TMEM266: variants seen among roughly 807,000 people sequenced by gnomAD.
TMEM266 encodes the protein Hv1 related protein 1.
A neutral mutation model predicts 50.5 loss-of-function variants in TMEM266; 33 were observed. The observed-to-expected ratio is 0.65, with a 90% CI of 0.50 to 0.87. The LOEUF is 0.87. TMEM266 is among the 40% of genes least tolerant of loss of function. TMEM266 has a pLI of 0.00. For missense variants in TMEM266, 655 were observed against 695.1 expected (o/e 0.94, Z 0.65); for synonymous variants, 310 against 292.3 (o/e 1.06, Z -0.62).
At chr15:76,084,571 A>C (rs1177611446) in intron 1 of TMEM266, among the ~76,000 whole-genome samples, 1 of 151,794 alleles carries the variant, frequency 6.6e-6, no homozygotes, top group Admixed American at 6.6e-5. Context: ...GGACATATTT[A>C]AGAGCCAGAG....
intron 1 of TMEM266, among the ~76,000 whole-genome samples, chr15:76,068,453 AT>A (rs1287754551): frequency 5.3e-5 from 8 of 152,218 alleles, no homozygotes; most frequent in African/African-American, 1.9e-4. Flanking sequence ...ATCATATCCA[AT>A]ACAGTGGACT....
Position 76,156,679 on chromosome 15 carries a change from C to T in TMEM266, c.303C>T (p.Asn101=). ...TATTTTTGCTCAGTGCAAGTCTCAA[C>T]AGTTTCCTGGTAGCCTGTGTAATAT... is the stretch of plus-strand genomic sequence containing the variant. Residue 101 remains asparagine (N), a synonymous_variant, in exon 4 of 11, where the codon AAC becomes AAT. Coordinates refer to ENST00000388942, the MANE Select transcript of TMEM266 (RefSeq NM_152335.3). 6.2e-7 allele frequency: 1 copy of T among 1,614,180 alleles called. No individual in the cohort carries two copies. Among genetic ancestry groups the T allele is most frequent in the East Asian group, 2.2e-5 (1 of 44,880 alleles).
chr15:76,126,374 C>CAT (rs61446223), intron 1 of TMEM266, among the ~76,000 whole-genome samples: 10,086 of 137,412 alleles, frequency 0.073, 391 homozygotes, highest in South Asian at 0.1. Flanking sequence ...CACCCACAGA[C>CAT]ATATATATAT....
chr15:76,092,756 A>C (rs527928643), intron 1 of TMEM266, among the ~76,000 whole-genome samples: 22 of 151,664 alleles, frequency 1.5e-4, no homozygotes, highest in African/African-American at 4.6e-4. Context: ...TCAGTATTCT[A>C]AGCCTTTTAT....
chr15:76,094,466 T>C (rs936294806), intron 1 of TMEM266, among the ~76,000 whole-genome samples: 10 of 152,102 alleles, frequency 6.6e-5, no homozygotes, highest in African/African-American at 1.9e-4. Flanking sequence ...TTCTGTCACA[T>C]TGGTCTATGT....
chr15:76,198,769 G>C (rs1174888055), intron 9 of TMEM266, among the ~76,000 whole-genome samples: 2 of 129,086 alleles, frequency 1.5e-5, no homozygotes, highest in East Asian at 6.0e-4. Flanking sequence ...CGCAGCCCAA[G>C]TGTTCAGTTC....
chr15:76,097,482 GCTGCTTCC>G (rs1455407309), intron 1 of TMEM266, among the ~76,000 whole-genome samples: 7 of 151,688 alleles, frequency 4.6e-5, no homozygotes, highest in African/African-American at 1.7e-4. Flanking sequence ...AGAGAGATCT[GCTGCTTCC>G]CTTTGTGGGT....
intron 8 of TMEM266, among the ~76,000 whole-genome samples, chr15:76,179,384 C>T (rs756934157): frequency 4.6e-5 from 7 of 152,206 alleles, no homozygotes; most frequent in Non-Finnish European, 7.3e-5. Flanking sequence ...ACACCTGCCC[C>T]ACACACCCAT....
At chr15:76,180,175 T>TA (rs2038376386) in intron 8 of TMEM266, among the ~76,000 whole-genome samples, 1 of 152,318 alleles carries the variant, frequency 6.6e-6, no homozygotes, top group East Asian at 1.9e-4. Flanking sequence ...ATTAACATCA[T>TA]ACACTAGTAT....
At chr15:76,093,932 C>T (rs1427872015) in intron 1 of TMEM266, among the ~76,000 whole-genome samples, 1 of 152,062 alleles carries the variant, frequency 6.6e-6, no homozygotes, top group Non-Finnish European at 1.5e-5. Context: ...AGGGTCTGTT[C>T]ATATCCTTTG....
intron 9 of TMEM266, among the ~76,000 whole-genome samples, chr15:76,197,643 C>T (rs1368678599): frequency 6.6e-6 from 1 of 152,236 alleles, no homozygotes; most frequent in Non-Finnish European, 1.5e-5. Flanking sequence ...TTAGTGCCCT[C>T]CCTTGGTGAG....
At chr15:76,195,355 C>G (rs578253243) in intron 9 of TMEM266, among the ~76,000 whole-genome samples, 1 of 152,388 alleles carries the variant, frequency 6.6e-6, no homozygotes, top group African/African-American at 2.4e-5. Flanking sequence ...TCTGACATCA[C>G]TTGTTCTGGT....
chr15:76,141,235 A>AC, intron 3 of TMEM266, among the ~76,000 whole-genome samples: 1 of 118,344 alleles, frequency 8.4e-6, no homozygotes, highest in East Asian at 2.7e-4. Context: ...TTCTCAGTAT[A>AC]CTTTTTTTTT....
At position 76,203,877 on chromosome 15, in the gene TMEM266, G is replaced by T. The variant is rs755990217; in HGVS notation, c.1158G>T (p.Ser386=). 54 of 1,614,032 alleles carry T rather than the reference G, an allele frequency of 3.3e-5. No homozygotes were observed. The highest frequency in any genetic ancestry group is 2.6e-4 in the South Asian group (24 of 91,084). Residue 386 remains serine, a synonymous_variant, in exon 11 of 11, where the codon TCG becomes TCT. Coordinates refer to ENST00000388942, the MANE Select transcript of TMEM266 (RefSeq NM_152335.3). ...GCGGTAATGGCACCAGCGCCACCTC[G>T]GAGAGTGCCTCCCGCAGCTCAGTCA...
At chr15:76,104,973 A>G (rs2037059159) in intron 1 of TMEM266, among the ~76,000 whole-genome samples, 1 of 152,116 alleles carries the variant, frequency 6.6e-6, no homozygotes. Flanking sequence ...TAATCCCAAC[A>G]CTTTGGGAAG....
intron 3 of TMEM266, among the ~76,000 whole-genome samples, chr15:76,142,248 G>A (rs2037691044): frequency 6.6e-6 from 1 of 152,224 alleles, no homozygotes; most frequent in African/African-American, 2.4e-5. Flanking sequence ...AATTAGCTGG[G>A]TGTGGTGGCG....
intron 1 of TMEM266, among the ~76,000 whole-genome samples, chr15:76,110,432 G>A (rs1248222020): frequency 2.0e-5 from 3 of 152,136 alleles, no homozygotes; most frequent in Non-Finnish European, 2.9e-5. Context: ...AGACTTTTTT[G>A]TGATTTTTTT....
intron 8 of TMEM266, among the ~76,000 whole-genome samples, chr15:76,180,271 G>A (rs183533147): frequency 1.1e-4 from 17 of 152,198 alleles, no homozygotes; most frequent in Middle Eastern, 3.4e-3. Flanking sequence ...TTTGCTCCAC[G>A]TCGCATTCAG....
At chr15:76,070,899 A>G (rs980997860) in intron 1 of TMEM266, among the ~76,000 whole-genome samples, 1 of 152,050 alleles carries the variant, frequency 6.6e-6, no homozygotes, top group Non-Finnish European at 1.5e-5. Context: ...CCCTCCCACT[A>G]TTTTACAGAT....
Sources: allele counts gnomAD v4.1 joint callset (sites outside exome capture counted in the v4.1 genomes callset), GRCh38; gene constraint gnomAD v4.1.1; transcripts MANE v1.5; gene names NCBI Gene and HGNC (gene_info 2026-07-23, HGNC 2026-07-21).